LARP4B: variants seen among roughly 807,000 people sequenced by gnomAD.
LARP4B encodes the protein La ribonucleoprotein 4B.
LARP4B carries 12 observed loss-of-function variants against 89.8 expected under a neutral mutation model. The ratio of observed to expected loss-of-function variants is 0.13; its 90% CI spans 0.09 to 0.22. The LOEUF is 0.22. Ranked by LOEUF, LARP4B falls within the 10% of genes least tolerant of loss-of-function variation. The pLI is 1.00. For synonymous variants in LARP4B, 367 were observed against 363.3 expected, an observed-to-expected ratio of 1.01 and a Z score of -0.12; for missense variants, 757 against 947.7, an observed-to-expected ratio of 0.80 and a Z score of 2.64.
At chr10:902,785 C>T (rs918912281) in intron 1 of LARP4B, among the ~76,000 whole-genome samples, 1 of 152,050 alleles carries the variant, frequency 6.6e-6, no homozygotes, top group African/African-American at 2.4e-5. Context: ...CCTAGGATTG[C>T]AGGTGTGCAC....
chr10:822,746 A>G lies in LARP4B; in HGVS notation c.1485-1901T>C, dbSNP rs1832422658. Among the ~76,000 whole-genome samples, 2 of 152,208 alleles carry G rather than the reference A, an allele frequency of 1.3e-5. No homozygotes were observed. Among genetic ancestry groups the G allele is most frequent in the Admixed American group, 1.3e-4 (2 of 15,288 alleles). On this transcript the variant is annotated intron_variant, in intron 13 of 17. Coordinates refer to ENST00000316157, the MANE Select transcript of LARP4B (RefSeq NM_015155.3). The surrounding 1 kb of genome is among the most constrained non-coding windows in gnomAD (Gnocchi z 4.6). ...CGCGACTCTGAATGCAGTGGTGTGA[A>G]GGCCTGAGACCCTGAAGAGGTGTGC...
rs1286654619 is a variant in LARP4B, at chr10:809,931, C to T, written c.*2995G>A. ...GCAACGCAGGACGTTTACGGCCACC[C>T]GCCAGTGACAGCCGGTGATGTGATG... On this transcript the variant is annotated 3_prime_UTR_variant, in exon 18 of 18. Coordinates refer to ENST00000316157, the MANE Select transcript of LARP4B (RefSeq NM_015155.3). 1 of 152,372 alleles carries T rather than the reference C, an allele frequency of 6.6e-6. No homozygotes were observed. The highest frequency in any genetic ancestry group is 1.9e-4 in the East Asian group (1 of 5,196). The allele number at this position is 152,372 out of a possible 1,614,324, so 9.4% of individuals were successfully genotyped here. A position where few individuals can be genotyped will look rare whatever the true frequency, so the allele number is the denominator to read the frequency against.
chr10:939,233 C>T, the LARP4B span, among the ~76,000 whole-genome samples: 1 of 152,174 alleles, frequency 6.6e-6, no homozygotes, highest in Admixed American at 6.5e-5. Context: ...GAGTCCCGCT[C>T]AGGCGAGGAG....
the LARP4B span, among the ~76,000 whole-genome samples, chr10:981,191 G>A: frequency 6.6e-6 from 1 of 152,212 alleles, no homozygotes; most frequent in Non-Finnish European, 1.5e-5. Flanking sequence ...TTCTATCTGA[G>A]ACCTCAGCAG....
At position 829,373 on chromosome 10, in the gene LARP4B, G is replaced by A. The variant is rs1832781866; in HGVS notation, c.1125+12C>T. The A allele has an allele frequency of 6.4e-7, 1 of 1,572,408 alleles. No homozygotes were observed. Among genetic ancestry groups the A allele is most frequent in the African/African-American group, 1.4e-5 (1 of 73,458 alleles). ...GTCTACAACATAAATTCCTAGTAAA[G>A]AAATGACGTACCAAGGGTGGGTCAA... On this transcript the variant is annotated intron_variant, in intron 11 of 17. Transcript: ENST00000316157.
At chr10:937,414 C>A in the LARP4B span, among the ~76,000 whole-genome samples, 1 of 152,192 alleles carries the variant, frequency 6.6e-6, no homozygotes, top group Non-Finnish European at 1.5e-5. Flanking sequence ...ATGCTAAAAT[C>A]ATTGGGTGAA....
chr10:939,211 A>G, the LARP4B span, among the ~76,000 whole-genome samples: 1 of 152,142 alleles, frequency 6.6e-6, no homozygotes, highest in African/African-American at 2.4e-5. Context: ...GCTGCAGTGG[A>G]GTTGAATGAA....
intron 5 of LARP4B, among the ~76,000 whole-genome samples, chr10:853,371 C>T (rs559152415): frequency 6.6e-6 from 1 of 152,184 alleles, no homozygotes; most frequent in East Asian, 1.9e-4. Flanking sequence ...AAAAAAACTA[C>T]AATACCTTCA....
chr10:906,509 C>T (rs1010959479), intron 1 of LARP4B, among the ~76,000 whole-genome samples: 1 of 152,214 alleles, frequency 6.6e-6, no homozygotes, highest in African/African-American at 2.4e-5. Context: ...CACAGGTATG[C>T]ATGGATCCAC....
At chr10:886,673 G>T (rs1460539695) in intron 1 of LARP4B, among the ~76,000 whole-genome samples, 2 of 152,188 alleles carry the variant, frequency 1.3e-5, no homozygotes, top group Non-Finnish European at 2.9e-5. Context: ...TATAACATGG[G>T]TGAACCTGAA....
chr10:973,068 G>C, the LARP4B span: 1,119 of 365,376 alleles, frequency 3.1e-3, 18 homozygotes, highest in African/African-American at 0.022. Flanking sequence ...TGCCCACTCA[G>C]CTGCTGACCC....
At chr10:898,700 C>T (rs542548627) in intron 1 of LARP4B, among the ~76,000 whole-genome samples, 1 of 152,232 alleles carries the variant, frequency 6.6e-6, no homozygotes, top group Admixed American at 6.5e-5. Flanking sequence ...AATCAGAAAC[C>T]TGGAAAGAAA....
chr10:872,972 C>T (rs1835300596), intron 3 of LARP4B: 1 of 963,880 alleles, frequency 1.0e-6, no homozygotes, highest in Admixed American at 6.2e-5. Context: ...AGCTACACTG[C>T]TGGCTCCACT....
chr10:888,738 T>A (rs1835933906), intron 1 of LARP4B, among the ~76,000 whole-genome samples: 1 of 152,206 alleles, frequency 6.6e-6, no homozygotes, highest in Non-Finnish European at 1.5e-5. Flanking sequence ...AGTGGTGGTA[T>A]AACCACCACT....
chr10:822,109 T>C lies in LARP4B; in HGVS notation c.1485-1264A>G, dbSNP rs1356658014. 2.0e-5 allele frequency among the ~76,000 whole-genome samples: 3 copies of C among 152,216 alleles called. No individual in the cohort carries two copies. The highest frequency in any genetic ancestry group is 4.4e-5 in the Non-Finnish European group (3 of 68,026). On this transcript the variant is annotated intron_variant, in intron 13 of 17. Coordinates refer to ENST00000316157, the MANE Select transcript of LARP4B (RefSeq NM_015155.3). This position sits in a 1 kb window ranked among gnomAD's most constrained non-coding sequence, Gnocchi z 4.6. ...GGGGTGCTCCCAAAACCCAGGGAGC[T>C]GAACTCCTACTCCGCTGCGCCAGGA...
chr10:846,498 A>G (rs1833783103), intron 5 of LARP4B, among the ~76,000 whole-genome samples: 1 of 152,158 alleles, frequency 6.6e-6, no homozygotes, highest in Admixed American at 6.5e-5. Context: ...AGGGGTCCCA[A>G]GGTGGGGCCT....
chr10:931,823 G>A (rs1281175400), upstream of LARP4B: 1 of 151,432 alleles, frequency 6.6e-6, no homozygotes, highest in Non-Finnish European at 1.5e-5. Context: ...AGAGCCTCAC[G>A]TCATGGTGTT....
the LARP4B span, among the ~76,000 whole-genome samples, chr10:980,588 G>T: frequency 1.1e-3 from 168 of 152,284 alleles, no homozygotes; most frequent in African/African-American, 3.8e-3. Context: ...CCAAAGTGGC[G>T]GTCCAAGCTA....
chr10:883,764 G>A (rs981819788), intron 3 of LARP4B, among the ~76,000 whole-genome samples: 7 of 146,886 alleles, frequency 4.8e-5, no homozygotes, highest in East Asian at 2.0e-4. Context: ...GTGAGACCTC[G>A]TCTCTATTTG....
Sources: gnomAD v4.1 joint callset for allele counts (sites outside exome capture counted in the v4.1 genomes callset) on GRCh38, gnomAD v4.1.1 for gene constraint, Gnocchi (gnomAD v3.1) non-coding constraint, MANE v1.5 for transcripts, NCBI Gene and HGNC (gene_info 2026-07-23, HGNC 2026-07-21) for gene names.